Variants in KLHL32 observed in about 807,000 individuals in gnomAD.
KLHL32 encodes the protein kelch-like protein 32.
A neutral mutation model predicts 64.8 loss-of-function variants in KLHL32; 35 were observed. The ratio of observed to expected loss-of-function variants is 0.54; its 90% CI spans 0.41 to 0.72. The LOEUF is 0.72. Among genes scored for constraint, KLHL32 ranks in the 30% least tolerant of loss-of-function variants. The pLI is 0.00. For missense variants in KLHL32, 589 were observed against 768.5 expected (o/e 0.77, Z 2.76); for synonymous variants, 259 against 281.0 (o/e 0.92, Z 0.78).
At chr6:97,021,514 G>A (rs1206100) in intron 3 of KLHL32, among the ~76,000 whole-genome samples, 96,352 of 150,244 alleles carry the variant, frequency 0.64, 33,066 homozygotes, top group African/African-American at 0.88. Context: ...CAGGCTTTCA[G>A]TTGACTAGAT....
chr6:96,903,713 T>C, the KLHL32 span, among the ~76,000 whole-genome samples: 1 of 152,210 alleles, frequency 6.6e-6, no homozygotes, highest in Non-Finnish European at 1.5e-5. Flanking sequence ...CAGTCAATCC[T>C]ATGTAATCAT....
intron 6 of KLHL32, among the ~76,000 whole-genome samples, chr6:97,094,500 A>G (rs1166921279): frequency 6.6e-6 from 1 of 152,210 alleles, no homozygotes; most frequent in African/African-American, 2.4e-5. Flanking sequence ...GCATTCATAC[A>G]TCATTCTTGA....
chr6:97,140,746 G>GTCTT lies in KLHL32; in HGVS notation c.*1465_*1468dup, dbSNP rs1800605471. The GTCTT allele has an allele frequency of 6.6e-6, 1 of 151,728 alleles. No homozygotes were observed. The highest frequency in any genetic ancestry group is 1.5e-5 in the Non-Finnish European group (1 of 67,802). The allele number at this position is 151,728 out of a possible 1,614,324, so 9.4% of individuals were successfully genotyped here. On this transcript the variant is annotated 3_prime_UTR_variant, in exon 11 of 11. Coordinates refer to ENST00000369261, the MANE Select transcript of KLHL32 (RefSeq NM_052904.4). The stretch of plus-strand genomic sequence containing the variant: ...AAAAGTGAATAAAAACGATCTTTTT[G>GTCTT]TCTTACAGAATTCACTAACTTCATA...
At chr6:97,120,038 A>G (rs1798199345) in intron 7 of KLHL32, among the ~76,000 whole-genome samples, 1 of 151,996 alleles carries the variant, frequency 6.6e-6, no homozygotes, top group Non-Finnish European at 1.5e-5. Context: ...AGAGAGTGAA[A>G]TTGAAGGTGT....
intron 3 of KLHL32, among the ~76,000 whole-genome samples, chr6:96,993,962 A>G (rs993996408): frequency 4.0e-5 from 6 of 150,512 alleles, no homozygotes; most frequent in Admixed American, 2.0e-4. Context: ...GACAGTAAGC[A>G]TGCTACCCTT....
At chr6:96,977,209 T>C (rs1052123395) in intron 3 of KLHL32, among the ~76,000 whole-genome samples, 1 of 152,206 alleles carries the variant, frequency 6.6e-6, no homozygotes, top group Non-Finnish European at 1.5e-5. Context: ...TGTGCACATA[T>C]ATATACATAT....
chr6:97,065,374 A>G (rs1427766392), intron 5 of KLHL32, among the ~76,000 whole-genome samples: 3 of 152,198 alleles, frequency 2.0e-5, no homozygotes, highest in African/African-American at 7.2e-5. Context: ...CAGAGACTCA[A>G]AATATATCCA....
intron 3 of KLHL32, among the ~76,000 whole-genome samples, chr6:97,006,958 C>A (rs1300365273): frequency 6.6e-6 from 1 of 152,038 alleles, no homozygotes; most frequent in African/African-American, 2.4e-5. Context: ...AATCTGAGGA[C>A]TATGTGTCTT....
intron 6 of KLHL32, among the ~76,000 whole-genome samples, chr6:97,113,157 G>GA (rs1797390270): frequency 6.6e-6 from 1 of 152,032 alleles, no homozygotes; most frequent in East Asian, 1.9e-4. Context: ...TTAATTGAGA[G>GA]AAAAAATTAA....
At chr6:97,052,352 A>G (rs1240145236) in intron 4 of KLHL32, among the ~76,000 whole-genome samples, 1 of 152,260 alleles carries the variant, frequency 6.6e-6, no homozygotes, top group African/African-American at 2.4e-5. Flanking sequence ...TTCCAAAATA[A>G]TGAACAACTC....
At chr6:96,971,271 T>C (rs1775075717) in intron 2 of KLHL32, among the ~76,000 whole-genome samples, 1 of 152,210 alleles carries the variant, frequency 6.6e-6, no homozygotes, top group East Asian at 1.9e-4. Context: ...TTTCGGAATT[T>C]ACAACTTTAA....
intron 7 of KLHL32, among the ~76,000 whole-genome samples, chr6:97,115,406 A>C (rs1797709038): frequency 6.6e-6 from 1 of 152,058 alleles, no homozygotes; most frequent in Non-Finnish European, 1.5e-5. Context: ...TCCTATTTTT[A>C]CTGATGGTAC....
At chr6:97,047,325 T>C (rs528290776) in intron 4 of KLHL32, among the ~76,000 whole-genome samples, 2 of 152,160 alleles carry the variant, frequency 1.3e-5, no homozygotes, top group Non-Finnish European at 1.5e-5. Context: ...GAATAGACCT[T>C]GGGATGCAGT....
chr6:96,962,126 C>G (rs1405905438), intron 1 of KLHL32, among the ~76,000 whole-genome samples: 4 of 152,170 alleles, frequency 2.6e-5, no homozygotes, highest in African/African-American at 7.2e-5. Context: ...TCATGTTTCA[C>G]TTGCTCACTA....
intron 5 of KLHL32, among the ~76,000 whole-genome samples, chr6:97,080,451 G>C (rs986054865): frequency 2.0e-5 from 3 of 152,108 alleles, no homozygotes; most frequent in Non-Finnish European, 2.9e-5. Flanking sequence ...TGGATACCAG[G>C]GACACACAAG....
intron 7 of KLHL32, among the ~76,000 whole-genome samples, chr6:97,122,087 G>A (rs114714023): frequency 0.019 from 2,926 of 152,236 alleles, 87 homozygotes; most frequent in African/African-American, 0.067. Context: ...ATTGATATCT[G>A]CATTATGGTT....
intron 6 of KLHL32, among the ~76,000 whole-genome samples, chr6:97,095,231 T>C (rs2128189707): frequency 6.6e-6 from 1 of 152,328 alleles, no homozygotes; most frequent in East Asian, 1.9e-4. Flanking sequence ...AGAATGACAT[T>C]GGACCTGCTG....
At chr6:96,990,163 T>C (rs191965258) in intron 3 of KLHL32, among the ~76,000 whole-genome samples, 1 of 152,340 alleles carries the variant, frequency 6.6e-6, no homozygotes, top group Admixed American at 6.5e-5. Flanking sequence ...AAAGACACTC[T>C]GGCTTTTTGA....
chr6:97,100,198 T>G (rs1405942088), intron 6 of KLHL32, among the ~76,000 whole-genome samples: 4 of 152,154 alleles, frequency 2.6e-5, no homozygotes, highest in Non-Finnish European at 5.9e-5. Flanking sequence ...CTCACAGGTG[T>G]TACAAAGTAG....
Sources: allele counts gnomAD v4.1 joint callset (sites outside exome capture counted in the v4.1 genomes callset), GRCh38; gene constraint gnomAD v4.1.1; transcripts MANE v1.5; gene names NCBI Gene and HGNC (gene_info 2026-07-23, HGNC 2026-07-21).